PLCB1: variants seen among roughly 807,000 people sequenced by gnomAD.
PLCB1 encodes 1-phosphatidylinositol 4,5-bisphosphate phosphodiesterase beta-1.
Under a neutral mutation model 161.8 loss-of-function variants are expected in PLCB1, and 46 were observed. The ratio of observed to expected loss-of-function variants is 0.28; its 90% CI spans 0.22 to 0.36. The LOEUF is 0.36. Among genes scored for constraint, PLCB1 ranks in the 10% least tolerant of loss-of-function variants. The pLI is 1.00. For synonymous variants in PLCB1, 517 were observed against 503.7 expected (o/e 1.03, Z -0.35); for missense variants, 1,016 against 1,472.5 (o/e 0.69, Z 5.07).
At chr20:8,233,475 C>T (rs1980171507) in intron 2 of PLCB1, among the ~76,000 whole-genome samples, 3 of 152,074 alleles carry the variant, frequency 2.0e-5, no homozygotes, top group Admixed American at 6.6e-5. Flanking sequence ...GACAGGCATT[C>T]GAAAATAGCG....
chr20:8,722,102 C>T (rs111276835), intron 14 of PLCB1, among the ~76,000 whole-genome samples: 62 of 152,024 alleles, frequency 4.1e-4, no homozygotes, highest in South Asian at 1.2e-3. Flanking sequence ...AATATTGACA[C>T]GCATTTTTTA....
At chr20:8,790,338 CA>C (rs1983693124) in intron 31 of PLCB1, 77 bp downstream of exon 31, 1 of 1,058,104 alleles carries the variant, frequency 9.5e-7, no homozygotes, top group Non-Finnish European at 1.4e-6. Context: ...TCCTGGTTTA[CA>C]TAAGTACCTT....
chr20:8,556,750 A>G (rs1985969580), intron 3 of PLCB1, among the ~76,000 whole-genome samples: 2 of 151,506 alleles, frequency 1.3e-5, no homozygotes, highest in South Asian at 4.2e-4. Flanking sequence ...GCTAACCACA[A>G]GCTAACAAAA....
chr20:8,426,730 A>G (rs1456612790), intron 3 of PLCB1, among the ~76,000 whole-genome samples: 1 of 152,198 alleles, frequency 6.6e-6, no homozygotes, highest in Non-Finnish European at 1.5e-5. Context: ...GAGATGATAG[A>G]TATGTTAATT....
chr20:8,447,555 G>C (rs553645230), intron 3 of PLCB1, among the ~76,000 whole-genome samples: 3 of 152,330 alleles, frequency 2.0e-5, no homozygotes, highest in Non-Finnish European at 4.4e-5. Flanking sequence ...CATACTGAGG[G>C]ATAGAGTAGG....
At chr20:8,566,466 A>T (rs530220058) in intron 3 of PLCB1, among the ~76,000 whole-genome samples, 1 of 152,288 alleles carries the variant, frequency 6.6e-6, no homozygotes, top group South Asian at 2.1e-4. Flanking sequence ...GTAAAAAACA[A>T]CATTTTTTAG....
At chr20:8,699,088 T>C (rs1234820950) in intron 11 of PLCB1, among the ~76,000 whole-genome samples, 2 of 152,104 alleles carry the variant, frequency 1.3e-5, no homozygotes, top group Non-Finnish European at 2.9e-5. Flanking sequence ...TCAGGGAACA[T>C]GTTCTCTCCG....
chr20:8,565,301 C>T (rs1169012337), intron 3 of PLCB1, among the ~76,000 whole-genome samples: 1 of 151,956 alleles, frequency 6.6e-6, no homozygotes, highest in Non-Finnish European at 1.5e-5. Flanking sequence ...AACACACGGA[C>T]ACAGGAAGGG....
At chr20:8,762,821 A>T (rs1179670749) in intron 25 of PLCB1, among the ~76,000 whole-genome samples, 1 of 152,236 alleles carries the variant, frequency 6.6e-6, no homozygotes, top group Non-Finnish European at 1.5e-5. Flanking sequence ...ATAACTTATT[A>T]TTCTAGTCTC....
intron 3 of PLCB1, among the ~76,000 whole-genome samples, chr20:8,626,995 T>G (rs1214587499): frequency 6.6e-6 from 1 of 152,208 alleles, no homozygotes; most frequent in East Asian, 1.9e-4. Flanking sequence ...GATATAGACC[T>G]CTCCTTTTCT....
intron 24 of PLCB1, among the ~76,000 whole-genome samples, 171 bp downstream of exon 24, chr20:8,757,349 C>CATA (rs764196272): frequency 6.6e-6 from 1 of 152,182 alleles, no homozygotes; most frequent in Non-Finnish European, 1.5e-5. Context: ...AGAAGAGAGT[C>CATA]ATATGTGCTC....
chr20:8,645,682 G>T (rs1447906909), intron 4 of PLCB1, among the ~76,000 whole-genome samples: 2 of 152,214 alleles, frequency 1.3e-5, no homozygotes, highest in Non-Finnish European at 2.9e-5. Context: ...AAAGATACCA[G>T]ATATAGCTGC....
At chr20:8,771,207 A>G (rs1982660761) in intron 26 of PLCB1, among the ~76,000 whole-genome samples, 1 of 152,212 alleles carries the variant, frequency 6.6e-6, no homozygotes, top group Non-Finnish European at 1.5e-5. Flanking sequence ...AGAATGTAAA[A>G]TAGCTACAAC....
intron 25 of PLCB1, among the ~76,000 whole-genome samples, chr20:8,761,302 C>T (rs562476488): frequency 1.3e-5 from 2 of 152,246 alleles, no homozygotes; most frequent in African/African-American, 4.8e-5. Context: ...TGGTGGGAGA[C>T]AGGAACCAAA....
At chr20:8,253,429 G>A (rs1479214871) in intron 2 of PLCB1, among the ~76,000 whole-genome samples, 2 of 151,920 alleles carry the variant, frequency 1.3e-5, no homozygotes, top group Admixed American at 6.6e-5. Flanking sequence ...ATACCAATAC[G>A]AGACTGACAT....
chr20:8,477,765 A>G (rs951221088), intron 3 of PLCB1, among the ~76,000 whole-genome samples: 3 of 152,176 alleles, frequency 2.0e-5, no homozygotes, highest in Non-Finnish European at 4.4e-5. Context: ...ATTGTGCAAG[A>G]ACTCACTCAT....
At chr20:8,544,756 C>T (rs187268249) in intron 3 of PLCB1, among the ~76,000 whole-genome samples, 99 of 152,304 alleles carry the variant, frequency 6.5e-4, no homozygotes, top group African/African-American at 2.3e-3. Context: ...GTGTCTATTA[C>T]ATATGCTGAA....
At chr20:8,152,076 C>T (rs1350473841) in intron 2 of PLCB1, among the ~76,000 whole-genome samples, 2 of 152,134 alleles carry the variant, frequency 1.3e-5, no homozygotes, top group African/African-American at 2.4e-5. Flanking sequence ...CTGTTTATGA[C>T]CAAGCGAAAC....
chr20:8,437,759 C>A (rs971704328), intron 3 of PLCB1, among the ~76,000 whole-genome samples: 4 of 152,256 alleles, frequency 2.6e-5, no homozygotes, highest in Admixed American at 1.3e-4. Flanking sequence ...TTTACTGGGG[C>A]TCTGGGAACC....
Sources: allele counts gnomAD v4.1 joint callset (sites outside exome capture counted in the v4.1 genomes callset), GRCh38; gene constraint gnomAD v4.1.1; transcripts MANE v1.5; gene names NCBI Gene and HGNC (gene_info 2026-07-23, HGNC 2026-07-21).